The following TRIM55 variants were observed in gnomAD, a reference collection of about 807,000 sequenced individuals.
The protein encoded by TRIM55 is tripartite motif containing 55.
TRIM55 carries 50 observed loss-of-function variants against 60.9 expected under a neutral mutation model. The observed-to-expected ratio is 0.82, with a 90% CI of 0.65 to 1.04. The LOEUF (loss-of-function observed/expected upper bound fraction) is 1.04. Ranked by LOEUF, TRIM55 falls within the 50% of genes least tolerant of loss-of-function variation. The pLI is 0.00. For missense variants in TRIM55, 681 were observed against 666.9 expected, an observed-to-expected ratio of 1.02 and a Z score of -0.23; for synonymous variants, 237 against 238.1, an observed-to-expected ratio of 1.00 and a Z score of 0.04.
chr8:66,141,015 C>G (rs1447269593), intron 4 of TRIM55, among the ~76,000 whole-genome samples: 1 of 152,132 alleles, frequency 6.6e-6, no homozygotes, highest in Non-Finnish European at 1.5e-5. Context: ...TGCCCCAGAG[C>G]CCTTTGGTGG....
chr8:66,125,743 T>C (rs1220997145), upstream of TRIM55, among the ~76,000 whole-genome samples: 2 of 152,168 alleles, frequency 1.3e-5, no homozygotes, highest in Non-Finnish European at 2.9e-5. Flanking sequence ...TATATATAAC[T>C]TATTATTAGT....
At chr8:66,156,696 C>G (rs931051043) in intron 9 of TRIM55, among the ~76,000 whole-genome samples, 1 of 152,086 alleles carries the variant, frequency 6.6e-6, no homozygotes, top group Admixed American at 6.5e-5. Flanking sequence ...ACTGACTTTT[C>G]CCTGGGTTGA....
chr8:66,156,964 C>T (rs1810778937), intron 9 of TRIM55, among the ~76,000 whole-genome samples: 1 of 152,156 alleles, frequency 6.6e-6, no homozygotes, highest in African/African-American at 2.4e-5. Context: ...TGGCCATGGA[C>T]TCAGAGGGGT....
At chr8:66,129,986 GC>G (rs1452390500) in intron 2 of TRIM55, among the ~76,000 whole-genome samples, 2 of 152,116 alleles carry the variant, frequency 1.3e-5, no homozygotes, top group Non-Finnish European at 2.9e-5. Flanking sequence ...CAGAATAGTT[GC>G]CCCATAAATC....
intron 9 of TRIM55, among the ~76,000 whole-genome samples, chr8:66,170,369 C>T (rs1178807263): frequency 1.3e-5 from 2 of 152,168 alleles, no homozygotes; most frequent in African/African-American, 4.8e-5. Context: ...TTTCACTTAG[C>T]ATAAGGTCCT....
At chr8:66,137,070 TGG>T (rs1346358994) in intron 3 of TRIM55, 23 bp from the exon 4 acceptor site, 2 of 1,601,608 alleles carry the variant, frequency 1.2e-6, no homozygotes, top group Non-Finnish European at 1.7e-6. Context: ...CCTAAGATAT[TGG>T]GTTCATGTTT....
At chr8:66,170,925 T>G (rs1253759239) in intron 9 of TRIM55, among the ~76,000 whole-genome samples, 3 of 152,144 alleles carry the variant, frequency 2.0e-5, no homozygotes, top group African/African-American at 7.2e-5. Flanking sequence ...TGTTGATGGG[T>G]GTTAATGAGC....
At chr8:66,172,597 G>T (rs1333816148) in intron 9 of TRIM55, among the ~76,000 whole-genome samples, 1 of 152,242 alleles carries the variant, frequency 6.6e-6, no homozygotes, top group East Asian at 1.9e-4. Flanking sequence ...ATGGAAGATA[G>T]ATGTCAATCT....
rs558759489 is a variant in TRIM55 at position 66,137,111 on chromosome 8, G to T, written c.524G>T (p.Gly175Val). The change falls in exon 4 of 10, where the codon GGC becomes GTC. Residue 175 changes from glycine (G) to valine (V), a missense_variant. By Grantham distance (109) the Gly-to-Val change is moderately radical (BLOSUM62 -3). Transcript: ENST00000315962. Reference protein sequence around the residue: ...FQRQKSELSDGIAILVGSNDR... With the variant: ...FQRQKSELSDVIAILVGSNDR... Reference sequence around the variant, plus strand: ...CTTCATTAGTCTGAGCTCAGTGATGGCATCGCCATCCTCGTGGGCAGCAAC... The same window carrying T: ...CTTCATTAGTCTGAGCTCAGTGATGTCATCGCCATCCTCGTGGGCAGCAAC... 1.2e-6 allele frequency: 2 copies of T among 1,613,834 alleles called. No homozygotes were observed. The highest frequency in any genetic ancestry group is 2.2e-5 in the East Asian group (1 of 44,880).
At chr8:66,127,500 A>G (rs1402556917) in intron 1 of TRIM55, 64 bp downstream of exon 1, 22 of 1,571,220 alleles carry the variant, frequency 1.4e-5, no homozygotes, top group Non-Finnish European at 1.9e-5. Context: ...CTTGGAATCA[A>G]GTGCTTAACA....
At chr8:66,140,247 C>A (rs966168157) in intron 4 of TRIM55, among the ~76,000 whole-genome samples, 1 of 152,216 alleles carries the variant, frequency 6.6e-6, no homozygotes, top group Non-Finnish European at 1.5e-5. Flanking sequence ...CCTATACATT[C>A]ATGGGGAGAA....
chr8:66,114,545 G>T, the TRIM55 span: 2 of 456,346 alleles, frequency 4.4e-6, no homozygotes, highest in East Asian at 1.4e-4. Flanking sequence ...TTTGTGATAA[G>T]ATGTCTGCAT....
intron 9 of TRIM55, among the ~76,000 whole-genome samples, chr8:66,154,940 A>G (rs1028666858): frequency 1.3e-5 from 2 of 152,224 alleles, no homozygotes; most frequent in African/African-American, 2.4e-5. Context: ...ATTTTTTTCA[A>G]GAGACTCTTT....
the TRIM55 span, among the ~76,000 whole-genome samples, chr8:66,120,224 C>A: frequency 6.6e-6 from 1 of 152,156 alleles, no homozygotes; most frequent in Non-Finnish European, 1.5e-5. Context: ...ATTTTAGCAT[C>A]CCTTTCCTCT....
rs1448664730 is a variant in TRIM55 at position 66,149,862 on chromosome 8, T to C, written c.821T>C (p.Met274Thr). 1.2e-6 allele frequency: 2 copies of C among 1,613,608 alleles called. No individual in the cohort carries two copies. The highest frequency in any genetic ancestry group is 1.1e-5 in the South Asian group (1 of 91,070). The stretch of plus-strand genomic sequence containing the variant: ...ATTCAGTTTATGGATGAGCCAGAAA[T>C]GGCAGTGTTTCTGCAGGTAAGTCTC... ...SGIQFMDEPE[M>T]AVFLQNAKTL... Residue 274 changes from methionine to threonine, a missense_variant, in exon 5 of 10, where the codon ATG (methionine) becomes ACG (threonine). Coordinates refer to ENST00000315962, the MANE Select transcript of TRIM55 (RefSeq NM_184085.2).
intron 9 of TRIM55, among the ~76,000 whole-genome samples, chr8:66,169,537 A>G (rs1811505121): frequency 6.6e-6 from 1 of 152,242 alleles, no homozygotes; most frequent in African/African-American, 2.4e-5. Context: ...TGTTAAGAGC[A>G]GTAAGATTGT....
upstream of TRIM55, among the ~76,000 whole-genome samples, chr8:66,123,981 A>G (rs1808726914): frequency 6.6e-6 from 1 of 152,202 alleles, no homozygotes; most frequent in Non-Finnish European, 1.5e-5. Context: ...TCACTTTCCA[A>G]GACCACAAAG....
At chr8:66,133,067 C>G (rs1809261752) in intron 2 of TRIM55, among the ~76,000 whole-genome samples, 1 of 152,120 alleles carries the variant, frequency 6.6e-6, no homozygotes, top group Admixed American at 6.5e-5. Context: ...GTGGAGATAC[C>G]TACGAGGGAA....
At position 66,141,349 on chromosome 8, in the gene TRIM55, G is replaced by T. The variant is rs147128622; in HGVS notation, c.603+4159G>T. ...ACCTCCGCTTCTTGAGAGTGGCTTG[G>T]CCTAAGACGTTCCCTGAACTCCGGA... is the stretch of plus-strand genomic sequence containing the variant. On this transcript the variant is annotated intron_variant, in intron 4 of 9. Transcript: ENST00000315962. Among the ~76,000 whole-genome samples, 399 of 152,278 alleles carry T rather than the reference G, an allele frequency of 2.6e-3. 4 individuals carry two copies. Among genetic ancestry groups the T allele is most frequent in the African/African-American group, 9.3e-3 (385 of 41,542 alleles).
Sources: gnomAD v4.1 joint callset for allele counts (sites outside exome capture counted in the v4.1 genomes callset) on GRCh38, gnomAD v4.1.1 for gene constraint, MANE v1.5 for transcripts, NCBI Gene and HGNC (gene_info 2026-07-23, HGNC 2026-07-21) for gene names.